The following SMG6 variants were observed in gnomAD, a reference collection of about 807,000 sequenced individuals.
SMG6 encodes the protein SMG6 nonsense mediated mRNA decay factor.
Under a neutral mutation model 142.2 loss-of-function variants are expected in SMG6, and 66 were observed. The ratio of observed to expected loss-of-function variants is 0.46; its 90% CI spans 0.38 to 0.57. The LOEUF (loss-of-function observed/expected upper bound fraction) is 0.57, where lower values mean the gene tolerates loss of function less well. SMG6 is among the 20% of genes least tolerant of loss of function. The pLI, the probability that SMG6 is intolerant of heterozygous loss-of-function variation, is 0.00. For missense variants in SMG6, 1,793 were observed against 1,832.0 expected, an observed-to-expected ratio of 0.98 and a Z score of 0.39; for synonymous variants, 779 against 702.4, an observed-to-expected ratio of 1.11 and a Z score of -1.72.
intron 15 of SMG6, among the ~76,000 whole-genome samples, chr17:2,074,881 G>C (rs2068213713): frequency 6.6e-6 from 1 of 152,220 alleles, no homozygotes; most frequent in Non-Finnish European, 1.5e-5. Flanking sequence ...TGACACCTTT[G>C]AGCTTGCTCT....
At chr17:2,133,484 T>C (rs2070191514) in intron 13 of SMG6, among the ~76,000 whole-genome samples, 1 of 152,172 alleles carries the variant, frequency 6.6e-6, no homozygotes. Context: ...TACCTCCCAA[T>C]CCAGTCTTCC....
chr17:2,162,517 GAAAAAAAAAAAAA>G (rs56092903), intron 13 of SMG6, among the ~76,000 whole-genome samples: 1 of 60,634 alleles, frequency 1.6e-5, no homozygotes, highest in Non-Finnish European at 3.1e-5. Flanking sequence ...CCCCATCTCA[GAAAAAAAAAAAAA>G]AAAAAAAAAA....
chr17:2,186,009 T>C (rs2071970537), intron 12 of SMG6, among the ~76,000 whole-genome samples: 1 of 152,052 alleles, frequency 6.6e-6, no homozygotes, highest in African/African-American at 2.4e-5. Context: ...GTGGATCTCC[T>C]GAGCTCAAGA....
intron 16 of SMG6, among the ~76,000 whole-genome samples, chr17:2,067,151 G>C (rs1028460964): frequency 6.6e-6 from 1 of 152,186 alleles, no homozygotes; most frequent in African/African-American, 2.4e-5. Flanking sequence ...AGCACCCTTA[G>C]GCGTCGTCTC....
intron 13 of SMG6, among the ~76,000 whole-genome samples, chr17:2,170,650 A>G (rs2071474731): frequency 6.6e-6 from 1 of 152,250 alleles, no homozygotes. Flanking sequence ...GGAAAGGCAA[A>G]AAGTAAGTAT....
At position 2,287,406 on chromosome 17, in the gene SMG6, G is replaced by A. The variant is rs182392459; in HGVS notation, c.2338-3671C>T. 9.2e-5 allele frequency among the ~76,000 whole-genome samples: 14 copies of A among 152,310 alleles called. No homozygotes were observed. The East Asian group carries it at 1.2e-3, about 13-fold the overall frequency. On this transcript the variant is annotated intron_variant, in intron 6 of 18. Transcript: ENST00000263073. ...GAAATGCAGAAAATAACAAGTGTTG[G>A]CAAGGAAGTGGAGAAATCAGAAGCC...
chr17:2,222,682 G>A (rs1398737506), intron 10 of SMG6, among the ~76,000 whole-genome samples: 1 of 151,794 alleles, frequency 6.6e-6, no homozygotes, highest in Non-Finnish European at 1.5e-5. Flanking sequence ...TAATGTGTCT[G>A]TGTGTGCATG....
At chr17:2,193,732 G>A (rs1474647500) in intron 10 of SMG6, among the ~76,000 whole-genome samples, 5 of 152,202 alleles carry the variant, frequency 3.3e-5, no homozygotes, top group Non-Finnish European at 4.4e-5. Flanking sequence ...TCAAGACAAT[G>A]TACTACATAT....
Position 2,274,817 on chromosome 17 carries a change from A to G in SMG6, c.2661+7830T>C, listed in dbSNP as rs537617424. Among the ~76,000 whole-genome samples the G allele has an allele frequency of 3.3e-5, 5 of 152,296 alleles. No homozygotes were observed. The East Asian group carries it at 9.6e-4, about 29-fold the overall frequency. The stretch of plus-strand genomic sequence containing the variant: ...ATTCCACGGCAGGAAGACTCACTCA[A>G]GTTTCAGAGACAAACACCTATTGGC... On this transcript the variant is annotated intron_variant, in intron 8 of 18. Coordinates refer to ENST00000263073, the MANE Select transcript of SMG6 (RefSeq NM_017575.5).
chr17:2,303,651 G>T lies in SMG6; in HGVS notation c.70C>A (p.Pro24Thr). 1 of 1,489,332 alleles carries T rather than the reference G, an allele frequency of 6.7e-7. No homozygotes were observed. The highest frequency in any genetic ancestry group is 8.9e-7 in the Non-Finnish European group (1 of 1,126,378). 92.3% of individuals were successfully genotyped at this position (1,489,332 alleles called of 1,614,324 possible). Reference sequence around the variant, plus strand: ...GACTCACCTCTGCTCCCGGCCTGCGGGGCCAGAGTAGCCAGGATCCCGCGC... The same window carrying T: ...GACTCACCTCTGCTCCCGGCCTGCGTGGCCAGAGTAGCCAGGATCCCGCGC... ...ELRGILATLA[P>T]QAGSRENMKE... The change falls in exon 1 of 19, where the codon CCG becomes ACG. Residue 24 changes from proline (P) to threonine (T), a missense_variant. Pro to Thr is a conservative substitution (Grantham distance 38). Around this residue, in one of 3 missense-constraint regions of SMG6, gnomAD observed 1,597 missense variants for 1,584.6 expected, o/e 1.01. Coordinates refer to ENST00000263073, the MANE Select transcript of SMG6 (RefSeq NM_017575.5).
intron 4 of SMG6, 103 bp downstream of exon 4, chr17:2,297,140 A>C (rs170043): frequency 0.8 from 615,263 of 768,696 alleles, 247,212 homozygotes; most frequent in African/African-American, 0.91. Context: ...CTGTATCATT[A>C]TTTTATCCTC....
At chr17:2,292,322 C>G (rs1300810170) in intron 6 of SMG6, among the ~76,000 whole-genome samples, 1 of 152,112 alleles carries the variant, frequency 6.6e-6, no homozygotes, top group Non-Finnish European at 1.5e-5. Context: ...AGCATTCCCT[C>G]AGGAATTTGA....
chr17:2,266,638 C>T (rs1272263367), intron 8 of SMG6, among the ~76,000 whole-genome samples: 3 of 152,148 alleles, frequency 2.0e-5, no homozygotes, highest in African/African-American at 7.2e-5. Flanking sequence ...TGTTTCTTCC[C>T]CCAGAGAACT....
rs573356530 is a variant in SMG6 at position 2,085,451 on chromosome 17, G to A, written c.3534+274C>T. Among the ~76,000 whole-genome samples, 8 of 152,256 alleles carry A rather than the reference G, an allele frequency of 5.3e-5. No homozygotes were observed. The highest frequency in any genetic ancestry group is 1.9e-4 in the African/African-American group (8 of 41,524). On this transcript the variant is annotated intron_variant, in intron 14 of 18. Transcript: ENST00000263073. The surrounding 1 kb of genome is among the most constrained non-coding windows in gnomAD (Gnocchi z 4.1). ...CTCCCTTTCCTAAGCCTCGAGAGCTGCACATTATTCAACTCCTTTCTTTCT... is the reference window on the plus strand; with the variant it reads ...CTCCCTTTCCTAAGCCTCGAGAGCTACACATTATTCAACTCCTTTCTTTCT...
In SMG6 at chr17:2,285,684, TC is replaced by T. The variant is rs2074889744; in HGVS notation, c.2338-1950del. 9.2e-5 allele frequency among the ~76,000 whole-genome samples: 14 copies of T among 152,198 alleles called. 1 individual carries two copies. The South Asian group carries it at 2.7e-3, about 29-fold the overall frequency. Reference sequence around the variant, plus strand: ...TGAGACCCTCTTTTCTTTTTTTTTTTCTTTTTTGAGACGAAGTCTCGCTCTG... The same window carrying T: ...TGAGACCCTCTTTTCTTTTTTTTTTTTTTTTTGAGACGAAGTCTCGCTCTG... On this transcript the variant is annotated intron_variant, in intron 6 of 18. Coordinates refer to ENST00000263073, the MANE Select transcript of SMG6 (RefSeq NM_017575.5).
At chr17:2,082,641 TTCCCCAAGGATGGCAC>T (rs2068456409) in intron 14 of SMG6, among the ~76,000 whole-genome samples, 1 of 152,176 alleles carries the variant, frequency 6.6e-6, no homozygotes, top group African/African-American at 2.4e-5. Flanking sequence ...TGGTGGCACA[TTCCCCAAGGATGGCAC>T]CTCCCTACTT....
chr17:2,277,153 A>ATTTTTTTTTTTTT (rs1567740157), intron 8 of SMG6, among the ~76,000 whole-genome samples: 1 of 83,448 alleles, frequency 1.2e-5, no homozygotes, highest in African/African-American at 5.4e-5. Context: ...TTATTTATTT[A>ATTTTTTTTTTTTT]TTTATTTATT....
At chr17:2,217,011 G>A (rs1430691356) in intron 10 of SMG6, among the ~76,000 whole-genome samples, 3 of 152,150 alleles carry the variant, frequency 2.0e-5, no homozygotes, top group African/African-American at 4.8e-5. Flanking sequence ...GGGAAGGGGA[G>A]AAACACTGGC....
At chr17:2,159,577 G>C (rs894468317) in intron 13 of SMG6, among the ~76,000 whole-genome samples, 1 of 152,190 alleles carries the variant, frequency 6.6e-6, no homozygotes, top group African/African-American at 2.4e-5. Context: ...TTGCTAGTGG[G>C]AGTATAAAAG....
Sources: gnomAD v4.1 joint callset for allele counts (sites outside exome capture counted in the v4.1 genomes callset) on GRCh38, gnomAD v4.1.1 for gene constraint, gnomAD v4.1.1 regional missense constraint, Gnocchi (gnomAD v3.1) non-coding constraint, MANE v1.5 for transcripts, NCBI Gene and HGNC (gene_info 2026-07-23, HGNC 2026-07-21) for gene names.